CCDC3: variants seen among roughly 807,000 people sequenced by gnomAD.
The protein encoded by CCDC3 is coiled-coil domain containing 3.
Under a neutral mutation model 21.4 loss-of-function variants are expected in CCDC3, and 24 were observed. That is an observed-to-expected ratio of 1.12 (90% confidence interval 0.81 to 1.58). The LOEUF is 1.58. CCDC3 is among the 40% of genes most tolerant of loss of function. The pLI is 0.00. For missense variants in CCDC3, 425 were observed against 360.9 expected, an observed-to-expected ratio of 1.18 and a Z score of -1.44; for synonymous variants, 186 against 166.0, an observed-to-expected ratio of 1.12 and a Z score of -0.93.
At chr10:12,928,569 G>C (rs1834584582) in intron 2 of CCDC3, among the ~76,000 whole-genome samples, 1 of 152,176 alleles carries the variant, frequency 6.6e-6, no homozygotes, top group African/African-American at 2.4e-5. Context: ...AGACAGGTCT[G>C]ATCATCTCAG....
intron 2 of CCDC3, among the ~76,000 whole-genome samples, chr10:12,906,693 A>C (rs1038312348): frequency 1.3e-5 from 2 of 152,178 alleles, no homozygotes; most frequent in Admixed American, 1.3e-4. Context: ...GTCTTGGCTC[A>C]GTCTCCTCAT....
chr10:12,915,344 T>C (rs1834335767), intron 2 of CCDC3, among the ~76,000 whole-genome samples: 1 of 152,250 alleles, frequency 6.6e-6, no homozygotes, highest in Admixed American at 6.5e-5. Flanking sequence ...TAGTGGTCCA[T>C]TCATTAAATG....
chr10:12,927,163 A>G (rs1006010913), intron 2 of CCDC3, among the ~76,000 whole-genome samples: 2 of 152,212 alleles, frequency 1.3e-5, no homozygotes, highest in African/African-American at 4.8e-5. Flanking sequence ...AAGTAGAGAG[A>G]TGAGTATAGT....
Position 12,943,505 on chromosome 10 carries a change from T to C in CCDC3, c.550-44826A>G, listed in dbSNP as rs547662481. ...AGGCAAATGCCAGCAGCTATGCCAA[T>C]AGAAAAGGGATACTTGGAAGCCAGG... On this transcript the variant is annotated intron_variant, in intron 2 of 2. Transcript: ENST00000378825. 3.3e-5 allele frequency among the ~76,000 whole-genome samples: 5 copies of C among 152,306 alleles called. No homozygotes were observed. The South Asian group carries it at 1.0e-3, about 32-fold the overall frequency.
At chr10:13,025,308 T>C (rs1009966871) in intron 5 of CCDC3, among the ~76,000 whole-genome samples, 1 of 152,216 alleles carries the variant, frequency 6.6e-6, no homozygotes, top group Non-Finnish European at 1.5e-5. Context: ...AGAAAAAGCA[T>C]TCCAAGAAGG....
intron 5 of CCDC3, among the ~76,000 whole-genome samples, chr10:13,034,087 C>A (rs991291193): frequency 1.3e-5 from 2 of 152,120 alleles, no homozygotes; most frequent in East Asian, 3.9e-4. Flanking sequence ...GACTTGGAAC[C>A]AACCCAGATG....
intron 4 of CCDC3, among the ~76,000 whole-genome samples, chr10:13,054,854 A>G (rs905916614): frequency 2.6e-5 from 4 of 152,178 alleles, no homozygotes; most frequent in African/African-American, 9.7e-5. Context: ...TTTAGTAGAG[A>G]TGCGGTTTCA....
At chr10:13,000,497 A>G (rs1835829874) in intron 1 of CCDC3, among the ~76,000 whole-genome samples, 1 of 152,106 alleles carries the variant, frequency 6.6e-6, no homozygotes, top group Non-Finnish European at 1.5e-5. Flanking sequence ...TCCTCAAAGC[A>G]TTGCTACCCA....
At chr10:12,936,090 T>G (rs1443681316) in intron 2 of CCDC3, among the ~76,000 whole-genome samples, 7 of 152,182 alleles carry the variant, frequency 4.6e-5, no homozygotes, top group African/African-American at 1.7e-4. Flanking sequence ...GATCCAAGTT[T>G]CTGACCTATA....
At chr10:13,093,409 C>A (rs905695550) in intron 3 of CCDC3, among the ~76,000 whole-genome samples, 1 of 152,046 alleles carries the variant, frequency 6.6e-6, no homozygotes, top group Admixed American at 6.6e-5. Flanking sequence ...CCACAACACA[C>A]GGGAATTATG....
chr10:12,974,699 G>A (rs1000826047), intron 2 of CCDC3, among the ~76,000 whole-genome samples: 8 of 152,068 alleles, frequency 5.3e-5, no homozygotes, highest in South Asian at 2.1e-4. Flanking sequence ...TATCCTCCCC[G>A]GCCAACATGA....
At chr10:13,025,759 C>T (rs1430378344) in intron 5 of CCDC3, among the ~76,000 whole-genome samples, 2 of 152,176 alleles carry the variant, frequency 1.3e-5, no homozygotes, top group Non-Finnish European at 2.9e-5. Flanking sequence ...TTGAGTCTCA[C>T]TCTCAGATCA....
At chr10:12,977,302 A>T (rs900802044) in intron 2 of CCDC3, among the ~76,000 whole-genome samples, 5 of 151,972 alleles carry the variant, frequency 3.3e-5, no homozygotes, top group Non-Finnish European at 7.4e-5. Context: ...AGGAAAGGAA[A>T]GGGGAAAGGA....
chr10:12,941,992 A>G (rs1834838922), intron 2 of CCDC3, among the ~76,000 whole-genome samples: 1 of 152,164 alleles, frequency 6.6e-6, no homozygotes, highest in African/African-American at 2.4e-5. Flanking sequence ...ATCTTCTTAA[A>G]TGGGCCTTTA....
intron 2 of CCDC3, among the ~76,000 whole-genome samples, chr10:12,992,753 A>G (rs1203278146): frequency 6.6e-6 from 1 of 152,166 alleles, no homozygotes; most frequent in Non-Finnish European, 1.5e-5. Flanking sequence ...TTACCACTGA[A>G]GAATTGATTC....
At chr10:12,913,044 T>G (rs1221561038) in intron 2 of CCDC3, among the ~76,000 whole-genome samples, 1 of 152,244 alleles carries the variant, frequency 6.6e-6, no homozygotes, top group Non-Finnish European at 1.5e-5. Flanking sequence ...GTACAATGCT[T>G]CTTTTTTTCC....
At chr10:12,948,150 T>G (rs1262170575) in intron 2 of CCDC3, among the ~76,000 whole-genome samples, 6 of 152,072 alleles carry the variant, frequency 3.9e-5, no homozygotes, top group Non-Finnish European at 8.8e-5. Flanking sequence ...TCCCACGAGA[T>G]CTGATGGTTT....
At chr10:12,974,490 T>A (rs960308645) in intron 2 of CCDC3, among the ~76,000 whole-genome samples, 8 of 152,220 alleles carry the variant, frequency 5.3e-5, no homozygotes, top group African/African-American at 1.7e-4. Context: ...TGATATCAAT[T>A]ATATGGAGTT....
intron 2 of CCDC3, among the ~76,000 whole-genome samples, chr10:12,946,234 A>AC (rs1834915059): frequency 6.6e-6 from 1 of 152,204 alleles, no homozygotes; most frequent in Non-Finnish European, 1.5e-5. Context: ...GTCCACTATG[A>AC]TAGTGACTGA....
Sources: gnomAD v4.1 joint callset for allele counts (sites outside exome capture counted in the v4.1 genomes callset) on GRCh38, gnomAD v4.1.1 for gene constraint, MANE v1.5 for transcripts, NCBI Gene and HGNC (gene_info 2026-07-23, HGNC 2026-07-21) for gene names.